STK32B: variants seen among roughly 807,000 people sequenced by gnomAD.
The protein encoded by STK32B is serine/threonine-protein kinase 32B.
A neutral mutation model predicts 52.6 loss-of-function variants in STK32B; 43 were observed. The ratio of observed to expected loss-of-function variants is 0.82; its 90% CI spans 0.64 to 1.05. STK32B has a LOEUF of 1.05. Among genes scored for constraint, STK32B ranks in the 50% least tolerant of loss-of-function variants. The pLI is 0.00. For synonymous variants in STK32B, 238 were observed against 204.3 expected, an observed-to-expected ratio of 1.17 and a Z score of -1.41; for missense variants, 621 against 534.6, an observed-to-expected ratio of 1.16 and a Z score of -1.59.
chr4:5,188,838 G>T (rs1577163282), intron 3 of STK32B, among the ~76,000 whole-genome samples: 1 of 133,594 alleles, frequency 7.5e-6, no homozygotes, highest in Non-Finnish European at 1.6e-5. Flanking sequence ...ACAGGGCAGG[G>T]AACATCACAC....
At chr4:5,081,486 G>T (rs1214696946) in intron 1 of STK32B, among the ~76,000 whole-genome samples, 1 of 151,858 alleles carries the variant, frequency 6.6e-6, no homozygotes, top group Non-Finnish European at 1.5e-5. Flanking sequence ...TTTCATCCTG[G>T]TATTCCCATA....
chr4:5,345,249 A>G (rs1481215598), intron 4 of STK32B: 1 of 151,770 alleles, frequency 6.6e-6, no homozygotes, highest in Non-Finnish European at 1.5e-5. Context: ...AGTAGATAAT[A>G]TGTGTACATG....
At chr4:5,275,768 A>G (rs536803544) in intron 3 of STK32B, among the ~76,000 whole-genome samples, 1 of 151,908 alleles carries the variant, frequency 6.6e-6, no homozygotes, top group Non-Finnish European at 1.5e-5. Flanking sequence ...AACCACCCTG[A>G]GAGTGGCGCA....
At chr4:5,130,794 C>T (rs1715724544) in intron 1 of STK32B, among the ~76,000 whole-genome samples, 1 of 152,194 alleles carries the variant, frequency 6.6e-6, no homozygotes, top group African/African-American at 2.4e-5. Flanking sequence ...CTGCCCCACT[C>T]ATCCCTTCCA....
rs541533446 is a variant in STK32B at position 5,386,759 on chromosome 4, C to T, written c.435-11448C>T. ...GTAGGTCCCCTCATCTGGAAAATGA[C>T]CAGGTCGTTCCGGGTGGTGGCTGGA... On this transcript the variant is annotated intron_variant, in intron 4 of 11. Transcript: ENST00000282908. The surrounding 1 kb of genome is among the most constrained non-coding windows in gnomAD (Gnocchi z 4.5). Among the ~76,000 whole-genome samples the T allele has an allele frequency of 1.3e-5, 2 of 152,272 alleles. No individual in the cohort carries two copies. The highest frequency in any genetic ancestry group is 2.1e-4 in the South Asian group (1 of 4,824).
At chr4:5,222,170 A>C (rs1304562091) in intron 3 of STK32B, among the ~76,000 whole-genome samples, 2 of 152,190 alleles carry the variant, frequency 1.3e-5, no homozygotes. Context: ...AACTAATTTC[A>C]GTGTTTCTAA....
chr4:5,036,583 A>G, the STK32B span, among the ~76,000 whole-genome samples: 1 of 151,498 alleles, frequency 6.6e-6, no homozygotes, highest in Non-Finnish European at 1.5e-5. Context: ...TCACTGGTAT[A>G]TTGAGGCAAA....
chr4:5,073,561 G>A (rs1354563059), intron 1 of STK32B, among the ~76,000 whole-genome samples: 1 of 151,712 alleles, frequency 6.6e-6, no homozygotes, highest in Non-Finnish European at 1.5e-5. Flanking sequence ...TGTATATAAC[G>A]TTTCCAGTGC....
At chr4:5,428,878 C>T (rs1010697389) in intron 6 of STK32B, among the ~76,000 whole-genome samples, 3 of 152,180 alleles carry the variant, frequency 2.0e-5, no homozygotes, top group African/African-American at 7.2e-5. Flanking sequence ...CTAAAGTCTG[C>T]TTTGCCTGAT....
At chr4:5,304,777 G>T (rs779144239) in intron 3 of STK32B, among the ~76,000 whole-genome samples, 3 of 146,832 alleles carry the variant, frequency 2.0e-5, no homozygotes, top group Admixed American at 6.7e-5. Context: ...CGGGGAGGGG[G>T]GGTGCTTTCA....
chr4:5,088,333 C>T (rs1419808013), intron 1 of STK32B, among the ~76,000 whole-genome samples: 2 of 151,750 alleles, frequency 1.3e-5, no homozygotes, highest in East Asian at 1.9e-4. Context: ...AGGATGGTTA[C>T]CAGAGGATAA....
chr4:5,174,279 T>C, intron 3 of STK32B, among the ~76,000 whole-genome samples: 1 of 152,236 alleles, frequency 6.6e-6, no homozygotes, highest in South Asian at 2.1e-4. Context: ...TGTTTTTTAA[T>C]TGGAGCATTT....
chr4:5,129,692 G>A (rs565990803), intron 1 of STK32B, among the ~76,000 whole-genome samples: 5 of 152,154 alleles, frequency 3.3e-5, no homozygotes, highest in African/African-American at 7.2e-5. Flanking sequence ...GTACCTTACC[G>A]CATTAATCAC....
chr4:5,310,828 G>A (rs1035187656), intron 3 of STK32B, among the ~76,000 whole-genome samples: 1 of 152,238 alleles, frequency 6.6e-6, no homozygotes, highest in East Asian at 1.9e-4. Context: ...AGAAAATGTG[G>A]TATATGTACA....
rs148173895 is a variant in STK32B, at chr4:5,357,546, T to C, written c.434+26153T>C. ...TTTGCATTTTGAGGGAAGGGGATGT[T>C]TCCTAAGACAAAACATTCTAAAAAA... is the stretch of plus-strand genomic sequence containing the variant. On this transcript the variant is annotated intron_variant, in intron 4 of 11. Transcript: ENST00000282908. Among the ~76,000 whole-genome samples, 23 of 150,114 alleles carry C rather than the reference T, an allele frequency of 1.5e-4. No homozygotes were observed. In the East Asian group the frequency reaches 4.5e-3, roughly 30 times the overall value.
intron 1 of STK32B, among the ~76,000 whole-genome samples, chr4:5,075,357 G>A (rs533546459): frequency 2.0e-5 from 3 of 152,236 alleles, no homozygotes; most frequent in South Asian, 4.1e-4. Context: ...AAACCCGAAG[G>A]TTTTATTAAT....
chr4:5,142,791 G>C (rs553831642), intron 2 of STK32B, among the ~76,000 whole-genome samples: 2 of 152,328 alleles, frequency 1.3e-5, no homozygotes, highest in African/African-American at 4.8e-5. Context: ...CATCGATCTA[G>C]ATGTCCCTGC....
Position 5,230,449 on chromosome 4 carries a change from C to T in STK32B, c.260+61999C>T, listed in dbSNP as rs139936353. On this transcript the variant is annotated intron_variant, in intron 3 of 11. Coordinates refer to ENST00000282908, the MANE Select transcript of STK32B (RefSeq NM_018401.3). ...AGCTGATCCACCCGCTTTGGCCTCCCAAAGTGCTGGCATTACAGATGTGAG... is the reference window on the plus strand; with the variant it reads ...AGCTGATCCACCCGCTTTGGCCTCCTAAAGTGCTGGCATTACAGATGTGAG... Among the ~76,000 whole-genome samples, 1,482 of 152,176 alleles carry T rather than the reference C, an allele frequency of 9.7e-3. 16 individuals carry two copies. Among genetic ancestry groups the T allele is most frequent in the Middle Eastern group, 0.017 (5 of 294 alleles).
chr4:5,228,065 C>G (rs1560240222), intron 3 of STK32B, among the ~76,000 whole-genome samples: 1 of 151,976 alleles, frequency 6.6e-6, no homozygotes, highest in Non-Finnish European at 1.5e-5. Context: ...GAATAATATT[C>G]CAAGAATATT....
Sources: gnomAD v4.1 joint callset for allele counts (sites outside exome capture counted in the v4.1 genomes callset) on GRCh38, gnomAD v4.1.1 for gene constraint, Gnocchi (gnomAD v3.1) non-coding constraint, MANE v1.5 for transcripts, NCBI Gene and HGNC (gene_info 2026-07-23, HGNC 2026-07-21) for gene names.